Variants in KLRG1 observed in about 807,000 individuals in gnomAD.
KLRG1 encodes killer cell lectin like receptor G1, also known as killer cell lectin-like receptor subfamily G member 1.
In KLRG1, 16 loss-of-function variants were observed where a neutral mutation model predicts 21.8. The ratio of observed to expected loss-of-function variants is 0.73; its 90% CI spans 0.50 to 1.11. The LOEUF is 1.11. Ranked by LOEUF, KLRG1 falls within the 50% of genes most tolerant of loss-of-function variation. KLRG1 has a pLI of 0.00. For missense variants in KLRG1, 173 were observed against 218.3 expected (o/e 0.79, Z 1.31); for synonymous variants, 69 against 75.9 (o/e 0.91, Z 0.47).
chr12:9,186,476 C>G, the KLRG1 span, among the ~76,000 whole-genome samples: 1 of 152,098 alleles, frequency 6.6e-6, no homozygotes, highest in Non-Finnish European at 1.5e-5. Context: ...GATGAAGAAG[C>G]AAGACTCAGT....
At chr12:8,990,213 G>A (rs1349710909) in intron 1 of KLRG1, 3 of 150,478 alleles carry the variant, frequency 2.0e-5, no homozygotes, top group African/African-American at 7.3e-5. Flanking sequence ...ACTTCACAGT[G>A]TTGCACTAGA....
the KLRG1 span, among the ~76,000 whole-genome samples, chr12:9,125,536 A>G: frequency 1.3e-5 from 2 of 152,334 alleles, no homozygotes; most frequent in Admixed American, 1.3e-4. Flanking sequence ...AATCCAATTG[A>G]TCACATTATT....
chr12:9,175,202 C>T, the KLRG1 span, among the ~76,000 whole-genome samples: 3 of 152,144 alleles, frequency 2.0e-5, no homozygotes, highest in Non-Finnish European at 4.4e-5. Flanking sequence ...CAAAAACAAG[C>T]AATGGAGGAA....
chr12:9,072,962 G>C, the KLRG1 span: 2 of 937,506 alleles, frequency 2.1e-6, no homozygotes, highest in Non-Finnish European at 3.2e-6. Context: ...GAGGGACTTT[G>C]ATTTCCTACT....
chr12:9,010,024 T>A lies in KLRG1; in HGVS notation c.*487T>A. On this transcript the variant is annotated 3_prime_UTR_variant, in exon 5 of 5. Coordinates refer to ENST00000356986, the MANE Select transcript of KLRG1 (RefSeq NM_005810.4). Reference sequence around the variant, plus strand: ...TGTCCCTTTGCAGATCAAGCTTTATTCTGAAGAATAAACCTAGCTGGCATG... The same window carrying A: ...TGTCCCTTTGCAGATCAAGCTTTATACTGAAGAATAAACCTAGCTGGCATG... 3 of 1,533,926 alleles carry A rather than the reference T, an allele frequency of 2.0e-6. No individual in the cohort carries two copies. Among genetic ancestry groups the A allele is most frequent in the Non-Finnish European group, 2.6e-6 (3 of 1,145,680 alleles).
chr12:9,169,649 A>T, the KLRG1 span: 1 of 1,423,928 alleles, frequency 7.0e-7, no homozygotes, highest in Admixed American at 2.5e-5. Flanking sequence ...TTGAAATAGA[A>T]TGAACTGAGA....
At chr12:9,099,264 G>GT in the KLRG1 span, 1 of 936,042 alleles carries the variant, frequency 1.1e-6, no homozygotes, top group Non-Finnish European at 1.6e-6. Context: ...CTTGCTGAAT[G>GT]TCTCTGGGGA....
At chr12:8,961,055 G>T (rs1946374103) in intron 1 of KLRG1, among the ~76,000 whole-genome samples, 1 of 152,026 alleles carries the variant, frequency 6.6e-6, no homozygotes, top group East Asian at 1.9e-4. Context: ...TTTACATAAG[G>T]AAACTGAGGT....
the KLRG1 span, among the ~76,000 whole-genome samples, chr12:9,201,626 A>G: frequency 2.4e-4 from 37 of 152,162 alleles, 1 homozygote; most frequent in Non-Finnish European, 4.4e-4. Context: ...TTATTTGGAT[A>G]CTAAAATTCT....
chr12:9,040,519 T>A, the KLRG1 span, among the ~76,000 whole-genome samples: 3 of 152,260 alleles, frequency 2.0e-5, no homozygotes, highest in Non-Finnish European at 4.4e-5. Context: ...ATTTGGAATG[T>A]CAGCTAGCTT....
the KLRG1 span, among the ~76,000 whole-genome samples, chr12:9,117,709 T>C: frequency 4.6e-5 from 7 of 152,334 alleles, no homozygotes; most frequent in Non-Finnish European, 8.8e-5. Flanking sequence ...TACAGCAGTG[T>C]GGTCTACTAG....
intron 1 of KLRG1, among the ~76,000 whole-genome samples, chr12:8,990,758 T>C (rs958328070): frequency 6.6e-6 from 1 of 152,150 alleles, no homozygotes; most frequent in African/African-American, 2.4e-5. Flanking sequence ...ATACTTAAAG[T>C]AAATTTTAAA....
the KLRG1 span, among the ~76,000 whole-genome samples, chr12:9,213,575 G>A: frequency 2.0e-5 from 3 of 152,018 alleles, no homozygotes; most frequent in Admixed American, 6.5e-5. Flanking sequence ...TATTTTCCTA[G>A]TGAATAATGA....
At chr12:9,150,072 C>A in the KLRG1 span, among the ~76,000 whole-genome samples, 1 of 152,184 alleles carries the variant, frequency 6.6e-6, no homozygotes, top group Non-Finnish European at 1.5e-5. Context: ...GCTGTTTTTG[C>A]CTCTCAAACT....
chr12:9,106,104 T>G, the KLRG1 span: 1 of 547,688 alleles, frequency 1.8e-6, no homozygotes, highest in Non-Finnish European at 3.3e-6. Context: ...TAATCAAGCC[T>G]TGGTGATATT....
Position 8,989,597 on chromosome 12 carries a change from T to A in KLRG1, c.-39T>A. On this transcript the variant is annotated 5_prime_UTR_variant, in exon 1 of 5. Transcript: ENST00000356986. ...ACATATCCCTTCACACTTCTATAAT[T>A]TAACTCTCTCAACTGCATGTGAAAG... 7.5e-7 allele frequency: 1 copy of A among 1,332,312 alleles called. No individual in the cohort carries two copies. Among genetic ancestry groups the A allele is most frequent in the Non-Finnish European group, 1.1e-6 (1 of 928,992 alleles). 82.5% of individuals were successfully genotyped at this position (1,332,312 alleles called of 1,614,324 possible). A position where few individuals can be genotyped will look rare whatever the true frequency, so the allele number is the denominator to read the frequency against.
chr12:9,017,039 G>C, the KLRG1 span, among the ~76,000 whole-genome samples: 1 of 151,766 alleles, frequency 6.6e-6, no homozygotes, highest in East Asian at 1.9e-4. Context: ...GCCAAGGCGG[G>C]CAGATCGCAA....
chr12:9,059,727 C>T, the KLRG1 span, among the ~76,000 whole-genome samples: 3 of 152,056 alleles, frequency 2.0e-5, no homozygotes, highest in Admixed American at 6.6e-5. Flanking sequence ...GCTCTGTCAC[C>T]GAGGCTGGAG....
the KLRG1 span, among the ~76,000 whole-genome samples, chr12:9,144,733 G>C: frequency 6.6e-6 from 1 of 152,162 alleles, no homozygotes; most frequent in Non-Finnish European, 1.5e-5. Flanking sequence ...TGTGGGGTTG[G>C]AATGTCTCTG....
Sources: allele counts gnomAD v4.1 joint callset (sites outside exome capture counted in the v4.1 genomes callset), GRCh38; gene constraint gnomAD v4.1.1; transcripts MANE v1.5; gene names NCBI Gene and HGNC (gene_info 2026-07-23, HGNC 2026-07-21).